Variants in EXOC4 observed in about 807,000 individuals in gnomAD.
The protein encoded by EXOC4 is exocyst complex component 4.
A neutral mutation model predicts 107.2 loss-of-function variants in EXOC4; 71 were observed. That is an observed-to-expected ratio of 0.66 (90% CI 0.55 to 0.81). The LOEUF (loss-of-function observed/expected upper bound fraction) is 0.81. Ranked by LOEUF, EXOC4 falls within the 30% of genes least tolerant of loss-of-function variation. The probability of loss-of-function intolerance (pLI) is 0.00; values close to 1 mark genes in which losing one functional copy is unlikely to be tolerated. For synonymous variants in EXOC4, 456 were observed against 441.2 expected (o/e 1.03, Z -0.42); for missense variants, 1,108 against 1,189.6 (o/e 0.93, Z 1.01).
At position 133,594,741 on chromosome 7, in the gene EXOC4, C is replaced by T. The variant is rs552516370; in HGVS notation, c.1418-35304C>T. ...TCTCTTGACCTCGTGATCCACCTGCCTCGGCCTCCCAGAGTGCTGGGATTA... is the reference window on the plus strand; with the variant it reads ...TCTCTTGACCTCGTGATCCACCTGCTTCGGCCTCCCAGAGTGCTGGGATTA... On this transcript the variant is annotated intron_variant, in intron 9 of 17. Coordinates refer to ENST00000253861, the MANE Select transcript of EXOC4 (RefSeq NM_021807.4). Among the ~76,000 whole-genome samples, 9 of 152,174 alleles carry T rather than the reference C, an allele frequency of 5.9e-5. No individual in the cohort carries two copies. In the South Asian group the frequency reaches 1.7e-3, roughly 28 times the overall value.
chr7:133,808,256 C>G (rs1797126653), intron 10 of EXOC4, among the ~76,000 whole-genome samples: 1 of 152,166 alleles, frequency 6.6e-6, no homozygotes, highest in Admixed American at 6.5e-5. Flanking sequence ...AGAACCTCTT[C>G]CTGATGTGCC....
chr7:133,406,459 A>T (rs1286103147), intron 7 of EXOC4, among the ~76,000 whole-genome samples: 4 of 152,210 alleles, frequency 2.6e-5, no homozygotes, highest in Non-Finnish European at 5.9e-5. Flanking sequence ...ACTTTAAAAC[A>T]TTAAAAACCT....
At chr7:133,456,622 A>G (rs1798468794) in intron 7 of EXOC4, among the ~76,000 whole-genome samples, 1 of 152,188 alleles carries the variant, frequency 6.6e-6, no homozygotes, top group Non-Finnish European at 1.5e-5. Context: ...GTGGATAATC[A>G]TCTTGAACTT....
rs1356143186 is a variant in EXOC4 at position 133,610,146 on chromosome 7, G to A, written c.1418-19899G>A. On this transcript the variant is annotated intron_variant, in intron 9 of 17. Coordinates refer to ENST00000253861, the MANE Select transcript of EXOC4 (RefSeq NM_021807.4). ...CCTTTCCATGATCCTCCATGACTGG[G>A]ACAGAGAATTCTTTAGGGAAGTTGA... 3.3e-5 allele frequency among the ~76,000 whole-genome samples: 5 copies of A among 152,130 alleles called. No individual in the cohort carries two copies. The South Asian group carries it at 6.2e-4, about 19-fold the overall frequency.
At chr7:133,275,660 A>C (rs1257646166) in intron 2 of EXOC4, among the ~76,000 whole-genome samples, 1 of 152,174 alleles carries the variant, frequency 6.6e-6, no homozygotes, top group Non-Finnish European at 1.5e-5. Flanking sequence ...TTTTATCTGA[A>C]TCCAAACCAC....
intron 9 of EXOC4, among the ~76,000 whole-genome samples, chr7:133,500,799 T>C (rs553134679): frequency 6.6e-6 from 1 of 152,252 alleles, no homozygotes; most frequent in Non-Finnish European, 1.5e-5. Flanking sequence ...GACATTACTC[T>C]GGGTGTGTAG....
At position 133,301,439 on chromosome 7, in the gene EXOC4, A is replaced by C. The variant is rs1043583332; in HGVS notation, c.472-4438A>C. On this transcript the variant is annotated intron_variant, in intron 3 of 17. Coordinates refer to ENST00000253861, the MANE Select transcript of EXOC4 (RefSeq NM_021807.4). ...TGCAACTCCAAGGTAGACCATGGCA[A>C]CATTTTCAGAATGGTTATGTTGTCT... 2.0e-5 allele frequency among the ~76,000 whole-genome samples: 3 copies of C among 152,208 alleles called. No homozygotes were observed. The South Asian group carries it at 6.2e-4, about 32-fold the overall frequency.
At chr7:134,088,115 G>C in the EXOC4 span, among the ~76,000 whole-genome samples, 1 of 152,152 alleles carries the variant, frequency 6.6e-6, no homozygotes, top group Non-Finnish European at 1.5e-5. Flanking sequence ...CTTATGACAT[G>C]TCAGGAACCC....
intron 11 of EXOC4, among the ~76,000 whole-genome samples, chr7:133,839,073 GA>G (rs1797973843): frequency 1.3e-5 from 2 of 152,172 alleles, no homozygotes; most frequent in Non-Finnish European, 2.9e-5. Context: ...TATTATGCAA[GA>G]AAAATTTTAA....
At chr7:133,907,482 C>T (rs756190335) in intron 12 of EXOC4, among the ~76,000 whole-genome samples, 4 of 152,058 alleles carry the variant, frequency 2.6e-5, no homozygotes, top group East Asian at 1.9e-4. Flanking sequence ...GAGTTGGGCC[C>T]GGGCAAGTTT....
intron 7 of EXOC4, among the ~76,000 whole-genome samples, chr7:133,457,359 A>G (rs1798486786): frequency 1.3e-5 from 2 of 152,138 alleles, no homozygotes; most frequent in African/African-American, 4.8e-5. Flanking sequence ...AAGGGATGAG[A>G]CATTTTTGTA....
intron 9 of EXOC4, among the ~76,000 whole-genome samples, chr7:133,525,038 G>A (rs140123588): frequency 7.2e-5 from 11 of 152,176 alleles, no homozygotes; most frequent in African/African-American, 2.2e-4. Context: ...CTTTCTTTAC[G>A]AAGAGTCTGT....
chr7:133,646,090 ATTTG>A (rs903270308), intron 10 of EXOC4, among the ~76,000 whole-genome samples: 5 of 152,110 alleles, frequency 3.3e-5, no homozygotes, highest in Non-Finnish European at 7.4e-5. Context: ...TATGTGAGAC[ATTTG>A]TTTAACGTTG....
intron 17 of EXOC4, among the ~76,000 whole-genome samples, chr7:134,034,652 C>T (rs575593254): frequency 6.6e-6 from 1 of 152,310 alleles, no homozygotes; most frequent in South Asian, 2.1e-4. Flanking sequence ...TTGTAAGTTT[C>T]CTGAGGCCTC....
intron 17 of EXOC4, among the ~76,000 whole-genome samples, chr7:134,035,226 G>A (rs933951559): frequency 9.2e-5 from 14 of 151,738 alleles, no homozygotes; most frequent in African/African-American, 2.7e-4. Flanking sequence ...TGTATTTTTA[G>A]TAGAGACAGG....
chr7:133,323,386 A>G (rs1361870482), intron 5 of EXOC4, among the ~76,000 whole-genome samples: 2 of 152,134 alleles, frequency 1.3e-5, no homozygotes, highest in African/African-American at 4.8e-5. Flanking sequence ...GATATGTTCC[A>G]TCAATACCTA....
intron 10 of EXOC4, among the ~76,000 whole-genome samples, chr7:133,810,859 T>C (rs942854164): frequency 6.6e-6 from 1 of 152,070 alleles, no homozygotes; most frequent in African/African-American, 2.4e-5. Flanking sequence ...GGTCTCGATC[T>C]CCTGACCTCG....
intron 17 of EXOC4, among the ~76,000 whole-genome samples, chr7:134,056,226 G>T (rs1795919981): frequency 1.3e-5 from 2 of 152,088 alleles, no homozygotes; most frequent in Admixed American, 6.6e-5. Context: ...GATATTTGAT[G>T]AACTATTTTC....
intron 13 of EXOC4, among the ~76,000 whole-genome samples, chr7:133,931,574 A>T (rs764682895): frequency 2.0e-5 from 3 of 152,238 alleles, no homozygotes; most frequent in Non-Finnish European, 4.4e-5. Flanking sequence ...ACTGTAACTT[A>T]AACTAAAAGT....
Sources: allele counts gnomAD v4.1 joint callset (sites outside exome capture counted in the v4.1 genomes callset), GRCh38; gene constraint gnomAD v4.1.1; transcripts MANE v1.5; gene names NCBI Gene and HGNC (gene_info 2026-07-23, HGNC 2026-07-21).